CCBE1: variants seen among roughly 807,000 people sequenced by gnomAD.
CCBE1 encodes collagen and calcium-binding EGF domain-containing protein 1.
A neutral mutation model predicts 50.0 loss-of-function variants in CCBE1; 37 were observed. That is an observed-to-expected ratio of 0.74 (90% confidence interval 0.57 to 0.97). CCBE1 has a LOEUF of 0.97. CCBE1 is among the 50% of genes least tolerant of loss of function. CCBE1 has a pLI of 0.00. For synonymous variants in CCBE1, 234 were observed against 203.7 expected (o/e 1.15, Z -1.27); for missense variants, 538 against 523.8 (o/e 1.03, Z -0.26).
intron 2 of CCBE1, among the ~76,000 whole-genome samples, chr18:59,582,967 C>T (rs2053107101): frequency 6.6e-6 from 1 of 152,056 alleles, no homozygotes; most frequent in Non-Finnish European, 1.5e-5. Flanking sequence ...CAGGCATGTA[C>T]CACCATGCCC....
At chr18:59,485,060 G>T (rs1274879861) in intron 2 of CCBE1, among the ~76,000 whole-genome samples, 1 of 152,202 alleles carries the variant, frequency 6.6e-6, no homozygotes, top group Non-Finnish European at 1.5e-5. Context: ...GATGGGGAAA[G>T]CTCGTGTGGA....
At chr18:59,466,938 T>C (rs1261402621) in intron 4 of CCBE1, 47 bp from the exon 5 acceptor site, 3 of 1,519,912 alleles carry the variant, frequency 2.0e-6, no homozygotes, top group Non-Finnish European at 2.7e-6. Context: ...GAGAATTCAC[T>C]TCTAATACAA....
intron 2 of CCBE1, among the ~76,000 whole-genome samples, chr18:59,617,174 A>C (rs1363068323): frequency 6.6e-6 from 1 of 152,260 alleles, no homozygotes; most frequent in African/African-American, 2.4e-5. Context: ...GATCATCATC[A>C]CTGGAACATG....
intron 2 of CCBE1, among the ~76,000 whole-genome samples, chr18:59,520,523 C>G (rs1914552641): frequency 6.6e-6 from 1 of 152,224 alleles, no homozygotes; most frequent in Admixed American, 6.5e-5. Flanking sequence ...GTTTGCTAAG[C>G]AACTTCTTGC....
chr18:59,493,878 A>C (rs1913226232), intron 2 of CCBE1, among the ~76,000 whole-genome samples: 1 of 152,242 alleles, frequency 6.6e-6, no homozygotes, highest in Admixed American at 6.5e-5. Flanking sequence ...TTATAGTAAT[A>C]GTGAATAAAT....
chr18:59,469,509 C>T lies in CCBE1; in HGVS notation c.364G>A (p.Glu122Lys). 6.2e-7 allele frequency: 1 copy of T among 1,614,194 alleles called. No individual in the cohort carries two copies. Among genetic ancestry groups the T allele is most frequent in the Non-Finnish European group, 8.5e-7 (1 of 1,180,036 alleles). ...GGCTTCTCCCGCTTCCGGTGTCTCT[C>T]CCGGTCATATCGGTATCCCGGATAA... The part of the protein sequence containing the change: ...TCYPGYRYDR[E>K]RHRKREKPYC... The change falls in exon 4 of 11, where the codon GAG becomes AAG. Residue 122 changes from glutamate (E) to lysine (K), a missense_variant. Coordinates refer to ENST00000439986, the MANE Select transcript of CCBE1 (RefSeq NM_133459.4).
chr18:59,547,230 A>G (rs867145576), intron 2 of CCBE1, among the ~76,000 whole-genome samples: 44 of 152,166 alleles, frequency 2.9e-4, no homozygotes, highest in Middle Eastern at 6.8e-3. Flanking sequence ...TAAGGCGGGC[A>G]GATCACCTGA....
intron 2 of CCBE1, among the ~76,000 whole-genome samples, chr18:59,644,759 G>A (rs2054033211): frequency 1.3e-5 from 2 of 152,092 alleles, no homozygotes; most frequent in Admixed American, 1.3e-4. Context: ...TGGGGGAACA[G>A]GTGGACAGAA....
chr18:59,692,774 G>T (rs929860839), intron 2 of CCBE1, among the ~76,000 whole-genome samples: 1 of 152,116 alleles, frequency 6.6e-6, no homozygotes, highest in African/African-American at 2.4e-5. Flanking sequence ...CCCTAAGCAA[G>T]AACACTGCCT....
intron 2 of CCBE1, among the ~76,000 whole-genome samples, chr18:59,536,190 A>C (rs1327109796): frequency 4.6e-5 from 7 of 152,196 alleles, no homozygotes; most frequent in Non-Finnish European, 2.9e-5. Context: ...CTAATAGTGA[A>C]ACTTTGATCA....
chr18:59,668,766 C>A (rs1251484117), intron 2 of CCBE1, among the ~76,000 whole-genome samples: 1 of 147,522 alleles, frequency 6.8e-6, no homozygotes. Flanking sequence ...TTACTGGGCA[C>A]TTTGTAAGTG....
intron 2 of CCBE1, among the ~76,000 whole-genome samples, chr18:59,639,617 C>CA (rs2053958426): frequency 6.6e-6 from 1 of 152,166 alleles, no homozygotes; most frequent in Non-Finnish European, 1.5e-5. Context: ...CACTCCTATT[C>CA]AACTTAGTAC....
intron 2 of CCBE1, among the ~76,000 whole-genome samples, chr18:59,548,599 TCAC>T (rs1915798130): frequency 6.6e-6 from 1 of 152,108 alleles, no homozygotes; most frequent in Non-Finnish European, 1.5e-5. Context: ...GCAAATGAAA[TCAC>T]CAACTGACCA....
intron 2 of CCBE1, among the ~76,000 whole-genome samples, chr18:59,521,429 GT>G (rs1027154899): frequency 1.3e-5 from 2 of 150,748 alleles, no homozygotes; most frequent in East Asian, 1.9e-4. Flanking sequence ...TTTGTTTTTT[GT>G]TTTTTTTTCT....
At chr18:59,681,794 G>A (rs1159553248) in intron 2 of CCBE1, among the ~76,000 whole-genome samples, 1 of 152,198 alleles carries the variant, frequency 6.6e-6, no homozygotes, top group Non-Finnish European at 1.5e-5. Context: ...GTGCAAAGAT[G>A]GCTATCATGT....
chr18:59,539,198 C>CAAA (rs777587430), intron 2 of CCBE1, among the ~76,000 whole-genome samples: 13 of 148,340 alleles, frequency 8.8e-5, no homozygotes, highest in Admixed American at 2.0e-4. Context: ...CACACACACA[C>CAAA]ACAAAAAACA....
intron 2 of CCBE1, among the ~76,000 whole-genome samples, chr18:59,551,737 CT>C (rs971489576): frequency 6.6e-6 from 1 of 152,208 alleles, no homozygotes; most frequent in Admixed American, 6.5e-5. Context: ...AAGTGGAATA[CT>C]TTTGACATGG....
chr18:59,468,969 G>A (rs1241488772), intron 4 of CCBE1, among the ~76,000 whole-genome samples: 3 of 152,090 alleles, frequency 2.0e-5, no homozygotes, highest in Non-Finnish European at 2.9e-5. Context: ...AGGAGTGCAC[G>A]GCTGGGATAG....
At position 59,435,701 on chromosome 18, in the gene CCBE1, A is replaced by G; in HGVS notation, c.*207T>C. ...CTCTTAGTGAGAAGCAGGTAAATCA[A>G]TCATTCACTCCCTCATGTCTGCAGG... On this transcript the variant is annotated 3_prime_UTR_variant, in exon 11 of 11. Coordinates refer to ENST00000439986, the MANE Select transcript of CCBE1 (RefSeq NM_133459.4). 4.8e-6 allele frequency: 3 copies of G among 621,034 alleles called. No individual in the cohort carries two copies. The highest frequency in any genetic ancestry group is 5.7e-6 in the Non-Finnish European group (2 of 349,490). The allele number at this position is 621,034 out of a possible 1,614,324, so 38.5% of individuals were successfully genotyped here.
Sources: gnomAD v4.1 joint callset for allele counts (sites outside exome capture counted in the v4.1 genomes callset) on GRCh38, gnomAD v4.1.1 for gene constraint, MANE v1.5 for transcripts, NCBI Gene and HGNC (gene_info 2026-07-23, HGNC 2026-07-21) for gene names.